Variants in MAP4K3 observed in about 807,000 individuals in gnomAD.
The protein encoded by MAP4K3 is MAPK/ERK kinase kinase kinase 3.
A neutral mutation model predicts 143.5 loss-of-function variants in MAP4K3; 94 were observed. The ratio of observed to expected loss-of-function variants is 0.65; its 90% CI spans 0.55 to 0.78. MAP4K3 has a LOEUF of 0.78. MAP4K3 is among the 30% of genes least tolerant of loss of function. The probability of loss-of-function intolerance (pLI) is 0.00; values close to 1 mark genes in which losing one functional copy is unlikely to be tolerated. For missense variants in MAP4K3, 1,077 were observed against 1,068.1 expected (o/e 1.01, Z -0.12); for synonymous variants, 416 against 347.2 (o/e 1.20, Z -2.20).
At chr2:39,330,398 G>A (rs1683644508) in intron 8 of MAP4K3, among the ~76,000 whole-genome samples, 1 of 152,052 alleles carries the variant, frequency 6.6e-6, no homozygotes, top group South Asian at 2.1e-4. Flanking sequence ...GGATACACAT[G>A]CAAAATCTCA....
chr2:39,437,065 G>C lies in MAP4K3; in HGVS notation c.-78C>G, dbSNP rs1165023324. ...TCAGGGGGCCACACGGAGAGAGGGC[G>C]CCGCGGCCGGCTCCCGGCTCCCCCG... is the stretch of plus-strand genomic sequence containing the variant. On this transcript the variant is annotated 5_prime_UTR_variant, in exon 1 of 34. Transcript: ENST00000263881. 6.5e-6 allele frequency: 7 copies of C among 1,068,836 alleles called. No homozygotes were observed. The highest frequency in any genetic ancestry group is 9.1e-6 in the Non-Finnish European group (7 of 765,464). 66.2% of individuals were successfully genotyped at this position (1,068,836 alleles called of 1,614,324 possible).
chr2:39,304,875 T>TA (rs1682642387), intron 15 of MAP4K3, among the ~76,000 whole-genome samples: 1 of 152,156 alleles, frequency 6.6e-6, no homozygotes, highest in Admixed American at 6.5e-5. Context: ...TATTCAGCCT[T>TA]AAAAAGGAAA....
intron 1 of MAP4K3, among the ~76,000 whole-genome samples, chr2:39,430,176 T>C (rs1209873976): frequency 6.6e-6 from 1 of 152,184 alleles, no homozygotes; most frequent in African/African-American, 2.4e-5. Flanking sequence ...TCATGGTGTA[T>C]GTAGGTTAGC....
At chr2:39,326,338 C>G in intron 8 of MAP4K3, 61 bp from the exon 9 acceptor site, 3 of 1,555,246 alleles carry the variant, frequency 1.9e-6, no homozygotes, top group Non-Finnish European at 2.6e-6. Context: ...TATACTCCCA[C>G]CCAGAGGCAC....
intron 1 of MAP4K3, among the ~76,000 whole-genome samples, chr2:39,385,551 C>CATAT (rs140387430): frequency 0.015 from 1,701 of 110,534 alleles, 13 homozygotes; most frequent in African/African-American, 0.039. Context: ...GAGCGTTCTT[C>CATAT]ATATATATAT....
chr2:39,330,871 A>G lies in MAP4K3; in HGVS notation c.530+1046T>C, dbSNP rs144848006. 3.8e-4 allele frequency among the ~76,000 whole-genome samples: 58 copies of G among 152,260 alleles called. 1 individual carries two copies. The East Asian group carries it at 0.011, about 29-fold the overall frequency. On this transcript the variant is annotated intron_variant, in intron 8 of 33. Transcript: ENST00000263881. Reference sequence around the variant, plus strand: ...AGCTTTTTTCAGGAAAGTACTGTTAATTGACTCAGCAAAGTACACTGGAAA... The same window carrying G: ...AGCTTTTTTCAGGAAAGTACTGTTAGTTGACTCAGCAAAGTACACTGGAAA...
intron 1 of MAP4K3, among the ~76,000 whole-genome samples, chr2:39,409,732 T>A (rs973859575): frequency 6.6e-6 from 1 of 152,190 alleles, no homozygotes; most frequent in Admixed American, 6.5e-5. Context: ...TTTAACAGTG[T>A]GAACAGAAAT....
At chr2:39,420,223 T>C (rs1021673208) in intron 1 of MAP4K3, among the ~76,000 whole-genome samples, 2 of 152,362 alleles carry the variant, frequency 1.3e-5, no homozygotes, top group South Asian at 2.1e-4. Flanking sequence ...ACTACTCTTA[T>C]TTACTCCATT....
At chr2:39,384,732 A>C (rs560191852) in intron 1 of MAP4K3, among the ~76,000 whole-genome samples, 1 of 152,388 alleles carries the variant, frequency 6.6e-6, no homozygotes, top group East Asian at 1.9e-4. Context: ...ACGTGTGTAC[A>C]AAATGAAATA....
chr2:39,378,019 C>G (rs1305665754), intron 2 of MAP4K3, 47 bp downstream of exon 2: 2 of 1,087,346 alleles, frequency 1.8e-6, no homozygotes, highest in Non-Finnish European at 2.8e-6. Context: ...CTTAAGATAT[C>G]CCATGGCTTT....
At chr2:39,410,094 G>A (rs1438011904) in intron 1 of MAP4K3, among the ~76,000 whole-genome samples, 1 of 152,224 alleles carries the variant, frequency 6.6e-6, no homozygotes, top group African/African-American at 2.4e-5. Context: ...CAGCGAAGAA[G>A]TAACTTTGGT....
chr2:39,315,486 G>A (rs1180515962), intron 12 of MAP4K3, 98 bp from the exon 13 acceptor site: 13 of 819,506 alleles, frequency 1.6e-5, no homozygotes, highest in Admixed American at 8.5e-5. Context: ...TTCATTTTAA[G>A]TAAAAATGAA....
At chr2:39,318,086 T>C (rs983557503) in intron 12 of MAP4K3, among the ~76,000 whole-genome samples, 2 of 152,098 alleles carry the variant, frequency 1.3e-5, no homozygotes, top group Non-Finnish European at 2.9e-5. Flanking sequence ...CGAGATAGTG[T>C]CCTCTGCAGC....
At chr2:39,276,164 G>A (rs1681243016) in intron 24 of MAP4K3, among the ~76,000 whole-genome samples, 1 of 152,104 alleles carries the variant, frequency 6.6e-6, no homozygotes, top group African/African-American at 2.4e-5. Flanking sequence ...GAGCCACCAC[G>A]GCCGGCCTTG....
At chr2:39,268,467 C>T (rs1194584596) in intron 26 of MAP4K3, among the ~76,000 whole-genome samples, 1 of 150,414 alleles carries the variant, frequency 6.6e-6, no homozygotes, top group Admixed American at 6.6e-5. Flanking sequence ...ACTACAGGTG[C>T]CTGCCATCAT....
intron 21 of MAP4K3, chr2:39,283,722 G>A (rs1681641188): frequency 6.6e-6 from 1 of 152,168 alleles, no homozygotes; most frequent in Non-Finnish European, 1.5e-5. Context: ...GCTGAAGAAT[G>A]CCAGATATTT....
intron 1 of MAP4K3, among the ~76,000 whole-genome samples, chr2:39,393,988 C>A (rs563349514): frequency 8.5e-5 from 13 of 152,254 alleles, no homozygotes; most frequent in Admixed American, 3.3e-4. Flanking sequence ...CATATGCTTT[C>A]TCATGACATA....
chr2:39,425,328 T>C (rs369540351), intron 1 of MAP4K3, among the ~76,000 whole-genome samples: 1 of 152,158 alleles, frequency 6.6e-6, no homozygotes. Flanking sequence ...TACAAAGACT[T>C]GAAAAAGAAT....
intron 21 of MAP4K3, among the ~76,000 whole-genome samples, chr2:39,286,457 T>G (rs989135212): frequency 6.6e-6 from 1 of 152,198 alleles, no homozygotes; most frequent in African/African-American, 2.4e-5. Context: ...ACAGCTTTCT[T>G]TATCTATGTC....
Sources: allele counts gnomAD v4.1 joint callset (sites outside exome capture counted in the v4.1 genomes callset), GRCh38; gene constraint gnomAD v4.1.1; transcripts MANE v1.5; gene names NCBI Gene and HGNC (gene_info 2026-07-23, HGNC 2026-07-21).